The following ANKFN1 variants were observed in gnomAD, a reference collection of about 807,000 sequenced individuals.
The protein encoded by ANKFN1 is ankyrin repeat and fibronectin type III domain containing 1.
A neutral mutation model predicts 108.7 loss-of-function variants in ANKFN1; 74 were observed. That is an observed-to-expected ratio of 0.68 (90% confidence interval 0.56 to 0.83). The LOEUF is 0.83. Ranked by LOEUF, ANKFN1 falls within the 40% of genes least tolerant of loss-of-function variation. The pLI is 0.00. For synonymous variants in ANKFN1, 547 were observed against 516.2 expected (o/e 1.06, Z -0.81); for missense variants, 1,505 against 1,382.3 (o/e 1.09, Z -1.41).
intron 19 of ANKFN1, among the ~76,000 whole-genome samples, chr17:56,494,511 G>C (rs1598720408): frequency 6.6e-6 from 1 of 152,000 alleles, no homozygotes; most frequent in Non-Finnish European, 1.5e-5. Flanking sequence ...AGGATCTCTT[G>C]AGCCCAGAAG....
chr17:56,337,713 T>C lies in ANKFN1; in HGVS notation c.188+11358T>C, dbSNP rs543271638. Among the ~76,000 whole-genome samples, 18 of 152,306 alleles carry C rather than the reference T, an allele frequency of 1.2e-4. No individual in the cohort carries two copies. In the East Asian group the frequency reaches 3.5e-3, roughly 29 times the overall value. On this transcript the variant is annotated intron_variant, in intron 4 of 20. Coordinates refer to ENST00000682825, the MANE Select transcript of ANKFN1 (RefSeq NM_001370326.1). ...CAGACACATGAAAAAATGCTCATCA[T>C]CACTGGTCATCAGAGAAATGCAAAT...
At chr17:56,126,260 AT>A (rs1238993481) in intron 4 of ANKFN1, among the ~76,000 whole-genome samples, 1 of 150,652 alleles carries the variant, frequency 6.6e-6, no homozygotes, top group Non-Finnish European at 1.5e-5. Flanking sequence ...GATTTGAGAG[AT>A]TTTTGGTCAT....
At position 56,239,559 on chromosome 17, in the gene ANKFN1, A is replaced by C. The variant is rs540052475; in HGVS notation, c.53+11602A>C. Among the ~76,000 whole-genome samples, 4 of 152,288 alleles carry C rather than the reference A, an allele frequency of 2.6e-5. No homozygotes were observed. The South Asian group carries it at 8.3e-4, about 32-fold the overall frequency. On this transcript the variant is annotated intron_variant, in intron 3 of 20. Coordinates refer to ENST00000682825, the MANE Select transcript of ANKFN1 (RefSeq NM_001370326.1). ...AAAAGCTAAAATACATATTTTTTAA[A>C]AGGAATCAGAGCTGCTCTCTTCTCT...
chr17:56,227,910 G>C lies in ANKFN1; in HGVS notation c.13-7G>C. 1.3e-6 allele frequency: 2 copies of C among 1,559,416 alleles called. No individual in the cohort carries two copies. The highest frequency in any genetic ancestry group is 1.7e-6 in the Non-Finnish European group (2 of 1,156,362). On this transcript the variant is annotated splice_region_variant and splice_polypyrimidine_tract_variant and intron_variant, in intron 2 of 20. Coordinates refer to ENST00000682825, the MANE Select transcript of ANKFN1 (RefSeq NM_001370326.1). ...TTTAACATTCTTTTTTTCTTTCTTTGTTTCAGAGGCTACTCTTTAAAGACA... is the reference window on the plus strand; with the variant it reads ...TTTAACATTCTTTTTTTCTTTCTTTCTTTCAGAGGCTACTCTTTAAAGACA...
At chr17:56,149,846 G>A (rs1908490205), upstream of ANKFN1, among the ~76,000 whole-genome samples, 1 of 152,254 alleles carries the variant, frequency 6.6e-6, no homozygotes, top group East Asian at 1.9e-4. Flanking sequence ...CCTCCCTGCA[G>A]GAGGATTCGG....
intron 1 of ANKFN1, among the ~76,000 whole-genome samples, chr17:56,177,093 G>A (rs1911234892): frequency 1.3e-5 from 2 of 152,166 alleles, no homozygotes; most frequent in Admixed American, 6.5e-5. Flanking sequence ...CCAGGTGAAA[G>A]GCCCCCCTGC....
intron 4 of ANKFN1, among the ~76,000 whole-genome samples, chr17:56,081,405 T>C (rs1905244645): frequency 6.6e-6 from 1 of 152,140 alleles, no homozygotes; most frequent in African/African-American, 2.4e-5. Context: ...CAGGCTGGAG[T>C]GCAGTGGTGT....
At chr17:56,334,183 A>T (rs150424442) in intron 4 of ANKFN1, among the ~76,000 whole-genome samples, 1 of 152,282 alleles carries the variant, frequency 6.6e-6, no homozygotes, top group African/African-American at 2.4e-5. Flanking sequence ...CAAAATGTTT[A>T]CGCTGATTTA....
In ANKFN1 at chr17:56,498,876, C is replaced by T. The variant is rs1270612752; in HGVS notation, c.2428-6C>T. ...ACTTAGTGTCTTTTACCATTTTATT[C>T]CAAAGCAAATAGATGAAGTCTGGCG... On this transcript the variant is annotated splice_polypyrimidine_tract_variant and splice_region_variant and intron_variant, in intron 19 of 20. Coordinates refer to ENST00000682825, the MANE Select transcript of ANKFN1 (RefSeq NM_001370326.1). 2.6e-6 allele frequency: 4 copies of T among 1,534,158 alleles called. No homozygotes were observed. The highest frequency in any genetic ancestry group is 3.5e-6 in the Non-Finnish European group (4 of 1,145,436).
intron 10 of ANKFN1, 150 bp downstream of exon 10, chr17:56,443,083 C>A (rs2049166640): frequency 1.5e-6 from 1 of 676,194 alleles, no homozygotes; most frequent in Non-Finnish European, 2.5e-6. Context: ...TGAATGATTC[C>A]CCTGCAGAAA....
chr17:56,312,479 C>T (rs1362120978), intron 3 of ANKFN1, among the ~76,000 whole-genome samples: 1 of 152,146 alleles, frequency 6.6e-6, no homozygotes, highest in African/African-American at 2.4e-5. Flanking sequence ...TTAGTTGAAT[C>T]CCTAACATAG....
chr17:56,222,062 T>C (rs1915930420), intron 2 of ANKFN1, among the ~76,000 whole-genome samples: 1 of 152,202 alleles, frequency 6.6e-6, no homozygotes, highest in African/African-American at 2.4e-5. Flanking sequence ...AGGTGATCTG[T>C]GGACACATTC....
chr17:56,459,634 C>T lies in ANKFN1; in HGVS notation c.1557+1655C>T, dbSNP rs1486899955. Among the ~76,000 whole-genome samples the T allele has an allele frequency of 2.0e-5, 3 of 152,152 alleles. No homozygotes were observed. In the East Asian group the frequency reaches 5.8e-4, roughly 29 times the overall value. On this transcript the variant is annotated intron_variant, in intron 14 of 20. Coordinates refer to ENST00000682825, the MANE Select transcript of ANKFN1 (RefSeq NM_001370326.1). ...TCCTCCCATCATCCTACCATACAGC[C>T]CAGACATGCCTGGATCACAGACTGA...
intron 6 of ANKFN1, among the ~76,000 whole-genome samples, chr17:56,360,232 A>G (rs1035656100): frequency 1.1e-4 from 17 of 152,116 alleles, no homozygotes; most frequent in Admixed American, 3.3e-4. Context: ...ACCACCCTCC[A>G]TTCTGTTCCT....
chr17:56,444,399 C>G (rs1343479413), intron 10 of ANKFN1, among the ~76,000 whole-genome samples: 1 of 151,992 alleles, frequency 6.6e-6, no homozygotes, highest in Non-Finnish European at 1.5e-5. Context: ...ATTATGGTCT[C>G]TTTTAGTTTT....
intron 8 of ANKFN1, among the ~76,000 whole-genome samples, chr17:56,431,360 G>T (rs775379097): frequency 5.3e-5 from 8 of 152,174 alleles, no homozygotes; most frequent in Non-Finnish European, 1.2e-4. Context: ...AAAGAAGCTG[G>T]TGGATTTTCA....
rs1183573921 is a variant in ANKFN1, at chr17:56,498,798, G to T, written c.2428-84G>T. 9 of 1,140,534 alleles carry T rather than the reference G, an allele frequency of 7.9e-6. No homozygotes were observed. In the African/African-American group the frequency reaches 1.2e-4, roughly 16 times the overall value. 70.7% of individuals were successfully genotyped at this position (1,140,534 alleles called of 1,614,324 possible). A position where few individuals can be genotyped will look rare whatever the true frequency, so the allele number is the denominator to read the frequency against. On this transcript the variant is annotated intron_variant, in intron 19 of 20. Transcript: ENST00000682825. ...GCTCAAAGCCAATATTGCGGAAAATGGATCATCTTGGACTCTCAGGGAAAT... is the reference window on the plus strand; with the variant it reads ...GCTCAAAGCCAATATTGCGGAAAATTGATCATCTTGGACTCTCAGGGAAAT...
chr17:56,231,853 A>T (rs997309605), intron 3 of ANKFN1, among the ~76,000 whole-genome samples: 1 of 152,174 alleles, frequency 6.6e-6, no homozygotes, highest in African/African-American at 2.4e-5. Flanking sequence ...AAATCATGGA[A>T]CTTTAATTTT....
chr17:56,305,047 G>T (rs62073050), intron 3 of ANKFN1, among the ~76,000 whole-genome samples: 16,578 of 152,192 alleles, frequency 0.11, 964 homozygotes, highest in African/African-American at 0.16. Context: ...TTGACTCATA[G>T]TTCTGCAGGG....
Sources: gnomAD v4.1 joint callset for allele counts (sites outside exome capture counted in the v4.1 genomes callset) on GRCh38, gnomAD v4.1.1 for gene constraint, MANE v1.5 for transcripts, NCBI Gene and HGNC (gene_info 2026-07-23, HGNC 2026-07-21) for gene names.